Variants in MYCBP2 observed in about 807,000 individuals in gnomAD.
MYCBP2 encodes the protein E3 ubiquitin-protein ligase MYCBP2.
MYCBP2 carries 120 observed loss-of-function variants against 525.3 expected under a neutral mutation model. The ratio of observed to expected loss-of-function variants is 0.23; its 90% CI spans 0.20 to 0.27. The LOEUF (loss-of-function observed/expected upper bound fraction) is 0.27. Ranked by LOEUF, MYCBP2 falls within the 10% of genes least tolerant of loss-of-function variation. The pLI, the probability that MYCBP2 is intolerant of heterozygous loss-of-function variation, is 1.00. For missense variants in MYCBP2, 4,149 were observed against 5,657.1 expected, an observed-to-expected ratio of 0.73 and a Z score of 8.55; for synonymous variants, 1,894 against 1,955.8, an observed-to-expected ratio of 0.97 and a Z score of 0.83.
At position 77,237,936 on chromosome 13, in the gene MYCBP2, T is replaced by G. The variant is rs9574019; in HGVS notation, c.2630-4673A>C. Among the ~76,000 whole-genome samples the G allele has an allele frequency of 2.0e-5, 3 of 152,290 alleles. No individual in the cohort carries two copies. The East Asian group carries it at 5.8e-4, about 29-fold the overall frequency. ...CAAATCAAGAAAACCATAATGGTTT[T>G]AAGGGCTTAAAAAGTAATAGCAACA... On this transcript the variant is annotated intron_variant, in intron 17 of 82. Coordinates refer to ENST00000544440, the MANE Select transcript of MYCBP2 (RefSeq NM_015057.5).
chr13:77,246,584 AAGG>A lies in MYCBP2; in HGVS notation c.2382-2636_2382-2634del, dbSNP rs973747305. Among the ~76,000 whole-genome samples the A allele has an allele frequency of 1.1e-4, 17 of 150,562 alleles. No individual in the cohort carries two copies. In the East Asian group the frequency reaches 3.3e-3, roughly 29 times the overall value. On this transcript the variant is annotated intron_variant, in intron 15 of 82. Coordinates refer to ENST00000544440, the MANE Select transcript of MYCBP2 (RefSeq NM_015057.5). ...GGAGGAGAAGGAGAAGGAGGAAAAGAAGGAGAAGGAGGAAGAGGAGGAGGAGAA... is the reference window on the plus strand; with the variant it reads ...GGAGGAGAAGGAGAAGGAGGAAAAGAAGAAGGAGGAAGAGGAGGAGGAGAA...
chr13:77,260,113 T>A (rs9544442), intron 13 of MYCBP2, among the ~76,000 whole-genome samples: 14 of 152,086 alleles, frequency 9.2e-5, no homozygotes, highest in Admixed American at 7.8e-4. Flanking sequence ...AAATCACTTC[T>A]TCAGGATACT....
At chr13:77,318,673 G>C (rs1275319430) in intron 1 of MYCBP2, among the ~76,000 whole-genome samples, 1 of 152,222 alleles carries the variant, frequency 6.6e-6, no homozygotes, top group Non-Finnish European at 1.5e-5. Context: ...AGAATCACTT[G>C]AACCTGGCAG....
intron 3 of MYCBP2, among the ~76,000 whole-genome samples, chr13:77,280,618 G>A (rs767531457): frequency 1.3e-5 from 2 of 152,112 alleles, no homozygotes; most frequent in Admixed American, 6.6e-5. Context: ...AGTTTCCTAC[G>A]GTGACAACGG....
At chr13:77,319,147 C>G (rs1252918739) in intron 1 of MYCBP2, among the ~76,000 whole-genome samples, 2 of 152,040 alleles carry the variant, frequency 1.3e-5, no homozygotes, top group African/African-American at 4.8e-5. Context: ...GTCCCTTCCT[C>G]CCTTCGCAGA....
intron 20 of MYCBP2, among the ~76,000 whole-genome samples, chr13:77,221,892 G>C (rs1263363839): frequency 6.6e-6 from 1 of 152,088 alleles, no homozygotes; most frequent in Non-Finnish European, 1.5e-5. Context: ...AATTGGCATA[G>C]TATTTGTACA....
intron 59 of MYCBP2, among the ~76,000 whole-genome samples, chr13:77,091,701 T>C (rs2045449743): frequency 6.6e-6 from 1 of 152,138 alleles, no homozygotes; most frequent in Non-Finnish European, 1.5e-5. Context: ...AACCACTGAT[T>C]TAATGAATTC....
chr13:77,058,389 G>A lies in MYCBP2; in HGVS notation c.13158C>T (p.Ala4386=). ...DADCQEYAKI[A]CSKTHPCGHP... The stretch of plus-strand genomic sequence containing the variant: ...GGCCACAAGGATGCGTCTTACTACA[G>A]GCTATCTTAGCGTATTCCTGTTAAA... Residue 4386 remains alanine (A), a synonymous_variant, in exon 78 of 83, where the codon GCC becomes GCT. Transcript: ENST00000544440. The surrounding 1 kb of genome is among the most constrained non-coding windows in gnomAD (Gnocchi z 4.1). The A allele has an allele frequency of 1.2e-6, 2 of 1,611,524 alleles. No homozygotes were observed. The highest frequency in any genetic ancestry group is 1.7e-6 in the Non-Finnish European group (2 of 1,178,560).
intron 74 of MYCBP2, among the ~76,000 whole-genome samples, chr13:77,062,140 G>T (rs1056433804): frequency 6.6e-6 from 1 of 152,170 alleles, no homozygotes; most frequent in Non-Finnish European, 1.5e-5. Context: ...TAAGAAAATG[G>T]TGAAAGGGCC....
At chr13:77,311,531 G>C (rs1408550249) in intron 1 of MYCBP2, among the ~76,000 whole-genome samples, 1 of 150,882 alleles carries the variant, frequency 6.6e-6, no homozygotes, top group Non-Finnish European at 1.5e-5. Context: ...GGAATGGAAA[G>C]AGGTTCTCGG....
intron 77 of MYCBP2, among the ~76,000 whole-genome samples, chr13:77,059,051 A>C (rs978222118): frequency 6.6e-6 from 1 of 151,220 alleles, no homozygotes; most frequent in Non-Finnish European, 1.5e-5. Context: ...CCGCATCACC[A>C]AAATGCAGAT....
chr13:77,117,792 C>T (rs1196272697), intron 55 of MYCBP2, among the ~76,000 whole-genome samples: 3 of 152,050 alleles, frequency 2.0e-5, no homozygotes, highest in Non-Finnish European at 4.4e-5. Flanking sequence ...TTTTGGGTAT[C>T]TTTTCCAAAC....
intron 1 of MYCBP2, among the ~76,000 whole-genome samples, chr13:77,303,268 G>A (rs373306699): frequency 6.6e-5 from 10 of 152,338 alleles, no homozygotes; most frequent in East Asian, 3.9e-4. Context: ...GAGAGGTGGC[G>A]GTTGCAGTGT....
chr13:77,240,845 C>T (rs1229200655), intron 17 of MYCBP2, among the ~76,000 whole-genome samples: 1 of 152,088 alleles, frequency 6.6e-6, no homozygotes, highest in East Asian at 1.9e-4. Context: ...GAAGATTCCA[C>T]TCAAGAAAAG....
intron 13 of MYCBP2, 37 bp downstream of exon 13, chr13:77,260,391 C>A: frequency 4.8e-6 from 7 of 1,469,412 alleles, no homozygotes; most frequent in Non-Finnish European, 6.4e-6. Flanking sequence ...AGTATTGAAA[C>A]TTCTTTGCAT....
intron 15 of MYCBP2, among the ~76,000 whole-genome samples, chr13:77,250,006 G>C (rs988522010): frequency 6.6e-6 from 1 of 151,914 alleles, no homozygotes; most frequent in South Asian, 2.1e-4. Context: ...GGCGGATCAC[G>C]AGGTCAGGAG....
At chr13:77,088,121 G>A (rs531609406) in intron 61 of MYCBP2, among the ~76,000 whole-genome samples, 1 of 151,692 alleles carries the variant, frequency 6.6e-6, no homozygotes, top group Non-Finnish European at 1.5e-5. Context: ...GAAAGCACAC[G>A]GAACTTGAAA....
intron 18 of MYCBP2, among the ~76,000 whole-genome samples, chr13:77,232,781 T>A (rs1376374818): frequency 3.3e-5 from 5 of 152,134 alleles, no homozygotes; most frequent in African/African-American, 1.2e-4. Context: ...CTAAAGCATA[T>A]AAACAGCATT....
intron 55 of MYCBP2, among the ~76,000 whole-genome samples, chr13:77,118,963 A>G (rs946335703): frequency 5.9e-5 from 9 of 152,192 alleles, no homozygotes; most frequent in Non-Finnish European, 1.3e-4. Context: ...AAAAAGCAGA[A>G]TGGGGCAAAG....
Sources: allele counts gnomAD v4.1 joint callset (sites outside exome capture counted in the v4.1 genomes callset), GRCh38; gene constraint gnomAD v4.1.1; non-coding constraint Gnocchi (gnomAD v3.1); transcripts MANE v1.5; gene names NCBI Gene and HGNC (gene_info 2026-07-23, HGNC 2026-07-21).